TENM2: variants seen among roughly 807,000 people sequenced by gnomAD.
TENM2 encodes the protein teneurin-2.
In TENM2, 52 loss-of-function variants were observed where a neutral mutation model predicts 245.2. The ratio of observed to expected loss-of-function variants is 0.21; its 90% CI spans 0.17 to 0.27. The LOEUF (loss-of-function observed/expected upper bound fraction) is 0.27, where lower values mean the gene tolerates loss of function less well. Among genes scored for constraint, TENM2 ranks in the 10% least tolerant of loss-of-function variants. The pLI is 1.00. For synonymous variants in TENM2, 1,363 were observed against 1,438.9 expected (o/e 0.95, Z 1.19); for missense variants, 3,046 against 3,666.8 (o/e 0.83, Z 4.37).
intron 2 of TENM2, among the ~76,000 whole-genome samples, chr5:167,405,011 C>G (rs1715466608): frequency 6.6e-6 from 1 of 152,108 alleles, no homozygotes; most frequent in Non-Finnish European, 1.5e-5. Flanking sequence ...CTATTTTAGA[C>G]ATTTCATGTC....
intron 12 of TENM2, chr5:168,130,460 T>G (rs1008046036): frequency 4.6e-5 from 7 of 152,206 alleles, no homozygotes; most frequent in African/African-American, 1.7e-4. Flanking sequence ...ATATTAGCAT[T>G]TTTTGTATAG....
intron 1 of TENM2, among the ~76,000 whole-genome samples, chr5:167,354,144 A>T (rs370100679): frequency 1.3e-5 from 2 of 152,208 alleles, no homozygotes; most frequent in African/African-American, 2.4e-5. Flanking sequence ...ATGGGTAAAG[A>T]CCAGCCGGAA....
chr5:168,128,243 C>T (rs924009179), intron 12 of TENM2, among the ~76,000 whole-genome samples: 3 of 152,170 alleles, frequency 2.0e-5, no homozygotes, highest in Non-Finnish European at 2.9e-5. Context: ...CCCCTGCAGC[C>T]GCTTTTATCC....
At chr5:167,895,629 C>A (rs1775156113) in intron 3 of TENM2, among the ~76,000 whole-genome samples, 1 of 152,194 alleles carries the variant, frequency 6.6e-6, no homozygotes, top group Non-Finnish European at 1.5e-5. Context: ...AAAATACAAA[C>A]TCCTGGACCC....
intron 2 of TENM2, among the ~76,000 whole-genome samples, chr5:167,493,257 G>A (rs1250410307): frequency 6.6e-6 from 1 of 151,942 alleles, no homozygotes; most frequent in Non-Finnish European, 1.5e-5. Flanking sequence ...CAGCCTGGGT[G>A]AGAGAGTAAG....
rs370889371 is a variant in TENM2, at chr5:167,610,073, G to A, written c.502+234600G>A. ...TCTTAAATTCAATTAATTTGCTAGAGTGACTCACAGAACTCATGGAAACAC... is the reference window on the plus strand; with the variant it reads ...TCTTAAATTCAATTAATTTGCTAGAATGACTCACAGAACTCATGGAAACAC... On this transcript the variant is annotated intron_variant, in intron 2 of 28. Transcript: ENST00000518659. Among the ~76,000 whole-genome samples, 306 of 152,190 alleles carry A rather than the reference G, an allele frequency of 2.0e-3. 15 individuals carry two copies. In the South Asian group the frequency reaches 0.062, roughly 31 times the overall value.
At chr5:167,098,974 TG>T in the TENM2 span, among the ~76,000 whole-genome samples, 1 of 152,210 alleles carries the variant, frequency 6.6e-6, no homozygotes, top group Admixed American at 6.5e-5. Flanking sequence ...GAATCTGTAT[TG>T]TAACAAGTAC....
intron 2 of TENM2, among the ~76,000 whole-genome samples, chr5:167,403,628 C>G (rs1762479580): frequency 6.6e-6 from 1 of 152,112 alleles, no homozygotes; most frequent in African/African-American, 2.4e-5. Flanking sequence ...TCTGAGTGCT[C>G]TGCTGTTGAT....
chr5:168,100,154 C>T (rs544223853), intron 9 of TENM2, among the ~76,000 whole-genome samples: 4 of 152,248 alleles, frequency 2.6e-5, no homozygotes, highest in Non-Finnish European at 4.4e-5. Context: ...TCCAAATATA[C>T]AATCACGTCA....
chr5:167,760,973 C>T (rs764355320), intron 2 of TENM2, among the ~76,000 whole-genome samples: 5 of 152,014 alleles, frequency 3.3e-5, no homozygotes, highest in Non-Finnish European at 5.9e-5. Flanking sequence ...TCATGTCCTG[C>T]TGCAATGTCC....
Position 168,003,347 on chromosome 5 carries a change from C to CACA in TENM2, c.1186+10165_1186+10166insACA, listed in dbSNP as rs1562038837. On this transcript the variant is annotated intron_variant, in intron 5 of 28. Coordinates refer to ENST00000518659, the Ensembl canonical transcript of TENM2. The stretch of plus-strand genomic sequence containing the variant: ...CACACACACACACACACACACACAC[C>CACA]CCCAAAGCTGGCATAACTGTGAAGA... Among the ~76,000 whole-genome samples, 8 of 51,236 alleles carry CACA rather than the reference C, an allele frequency of 1.6e-4. No individual in the cohort carries two copies. In the East Asian group the frequency reaches 5.1e-3, roughly 32 times the overall value. 33.6% of individuals were successfully genotyped at this position (51,236 alleles called of 152,430 possible).
At chr5:167,525,603 C>T (rs1374108863) in intron 2 of TENM2, among the ~76,000 whole-genome samples, 2 of 152,122 alleles carry the variant, frequency 1.3e-5, no homozygotes, top group African/African-American at 2.4e-5. Context: ...CTCTGGGTAT[C>T]GCTAAAGTCC....
At chr5:167,228,115 G>A in the TENM2 span, among the ~76,000 whole-genome samples, 4 of 151,948 alleles carry the variant, frequency 2.6e-5, no homozygotes, top group South Asian at 2.1e-4. Flanking sequence ...TGCAACCTCT[G>A]CCTCCTGGCT....
intron 2 of TENM2, among the ~76,000 whole-genome samples, chr5:167,501,311 C>T (rs1426351067): frequency 1.3e-5 from 2 of 152,114 alleles, no homozygotes; most frequent in Non-Finnish European, 2.9e-5. Flanking sequence ...GAGGGCATGG[C>T]CCTCTCTTCA....
At chr5:167,870,608 T>C (rs1422438621) in intron 2 of TENM2, among the ~76,000 whole-genome samples, 1 of 145,382 alleles carries the variant, frequency 6.9e-6, no homozygotes, top group Non-Finnish European at 1.5e-5. Flanking sequence ...TGTGTATATA[T>C]GTATATATAT....
chr5:167,548,197 G>A (rs888457213), intron 2 of TENM2, among the ~76,000 whole-genome samples: 1 of 152,204 alleles, frequency 6.6e-6, no homozygotes, highest in African/African-American at 2.4e-5. Flanking sequence ...AGGTGCTTTA[G>A]AAGGCAGACA....
intron 5 of TENM2, among the ~76,000 whole-genome samples, chr5:168,046,590 A>G (rs1409536272): frequency 6.6e-6 from 1 of 152,170 alleles, no homozygotes; most frequent in East Asian, 1.9e-4. Flanking sequence ...GATGACAAGG[A>G]AGACCAGAAG....
chr5:167,149,166 C>G, the TENM2 span, among the ~76,000 whole-genome samples: 1 of 151,990 alleles, frequency 6.6e-6, no homozygotes, highest in South Asian at 2.1e-4. Flanking sequence ...TATCCCTCCC[C>G]CCTCCACCCA....
rs1762193171 is a variant in TENM2, at chr5:167,754,851, A to G, written c.503-121135A>G. The stretch of plus-strand genomic sequence containing the variant: ...GGCAGCGGGGGAGGCGTCCTCCCCA[A>G]CTAATTCCTCAGGAACCTCATGCTG... On this transcript the variant is annotated intron_variant, in intron 2 of 28. Coordinates refer to ENST00000518659, the Ensembl canonical transcript of TENM2. The G allele has an allele frequency of 1.7e-5, 9 of 522,530 alleles. No homozygotes were observed. In the South Asian group the frequency reaches 4.6e-4, roughly 27 times the overall value. 32.4% of individuals were successfully genotyped at this position (522,530 alleles called of 1,614,324 possible). A position where few individuals can be genotyped will look rare whatever the true frequency, so the allele number is the denominator to read the frequency against.
Sources: allele counts gnomAD v4.1 joint callset (sites outside exome capture counted in the v4.1 genomes callset), GRCh38; gene constraint gnomAD v4.1.1; transcripts MANE v1.5; gene names NCBI Gene and HGNC (gene_info 2026-07-23, HGNC 2026-07-21).